ASTN2: variants seen among roughly 807,000 people sequenced by gnomAD.
The protein encoded by ASTN2 is astrotactin 2, also known as astrotactin-2.
ASTN2 carries 54 observed loss-of-function variants against 139.8 expected under a neutral mutation model. The observed-to-expected ratio is 0.39, with a 90% confidence interval of 0.31 to 0.48. The LOEUF (loss-of-function observed/expected upper bound fraction) is 0.48, where lower values mean the gene tolerates loss of function less well. ASTN2 is among the 20% of genes least tolerant of loss of function. The probability of loss-of-function intolerance (pLI) is 0.95; values close to 1 mark genes in which losing one functional copy is unlikely to be tolerated. For synonymous variants in ASTN2, 756 were observed against 719.5 expected (o/e 1.05, Z -0.81); for missense variants, 1,565 against 1,725.1 (o/e 0.91, Z 1.64).
intron 7 of ASTN2, among the ~76,000 whole-genome samples, chr9:116,998,676 C>T (rs1837093696): frequency 6.6e-6 from 1 of 152,044 alleles, no homozygotes; most frequent in African/African-American, 2.4e-5. Flanking sequence ...GAGCAAAGAC[C>T]AAGACTTTTA....
At chr9:116,437,254 A>C (rs1847685823) in intron 22 of ASTN2, 1 of 469,218 alleles carries the variant, frequency 2.1e-6, no homozygotes, top group African/African-American at 2.0e-5. Context: ...ATAGGTGAGG[A>C]GACTGAGGGC....
At chr9:116,847,007 CAAA>C (rs11302692) in intron 11 of ASTN2, among the ~76,000 whole-genome samples, 10 of 75,878 alleles carry the variant, frequency 1.3e-4, no homozygotes, top group African/African-American at 4.0e-4. Flanking sequence ...GCTTCATTCT[CAAA>C]AAAAAAAAAA....
chr9:116,692,104 A>G (rs1186043690), intron 16 of ASTN2, among the ~76,000 whole-genome samples: 1 of 152,210 alleles, frequency 6.6e-6, no homozygotes, highest in Non-Finnish European at 1.5e-5. Context: ...AATTGCTTAA[A>G]GTTCTCCAGT....
chr9:116,453,075 T>C (rs932118907), intron 20 of ASTN2, among the ~76,000 whole-genome samples: 3 of 152,142 alleles, frequency 2.0e-5, no homozygotes, highest in Admixed American at 6.5e-5. Context: ...ATGGTTCTTA[T>C]CTACTCAGTT....
intron 10 of ASTN2, among the ~76,000 whole-genome samples, chr9:116,963,648 T>C (rs1327372625): frequency 2.6e-5 from 4 of 152,080 alleles, no homozygotes; most frequent in African/African-American, 7.2e-5. Flanking sequence ...TTTGAGGATA[T>C]TTTGAAGGTA....
At chr9:117,031,188 G>A (rs1395693814) in intron 6 of ASTN2, among the ~76,000 whole-genome samples, 1 of 152,064 alleles carries the variant, frequency 6.6e-6, no homozygotes, top group Non-Finnish European at 1.5e-5. Context: ...AACATCCTTG[G>A]GGAGTGAAGT....
At chr9:117,316,439 T>C (rs966967973) in intron 1 of ASTN2, among the ~76,000 whole-genome samples, 2 of 152,106 alleles carry the variant, frequency 1.3e-5, no homozygotes, top group African/African-American at 4.8e-5. Context: ...TCTCACTAAA[T>C]GGTAGTTTCT....
intron 22 of ASTN2, 94 bp downstream of exon 22, chr9:116,440,515 T>C: frequency 8.3e-7 from 1 of 1,199,294 alleles, no homozygotes; most frequent in Non-Finnish European, 1.2e-6. Flanking sequence ...ATTTACTTGA[T>C]AAAGCCTAGT....
chr9:117,333,672 A>G (rs1828787275), intron 1 of ASTN2, among the ~76,000 whole-genome samples: 2 of 152,016 alleles, frequency 1.3e-5, no homozygotes, highest in Non-Finnish European at 2.9e-5. Flanking sequence ...ATTTTACTTT[A>G]TTATGCTTTT....
chr9:116,738,199 A>T (rs1484127123), intron 13 of ASTN2, among the ~76,000 whole-genome samples: 1 of 148,638 alleles, frequency 6.7e-6, no homozygotes, highest in Non-Finnish European at 1.5e-5. Flanking sequence ...CTCAAAAAAA[A>T]AAAAAAGACT....
intron 15 of ASTN2, among the ~76,000 whole-genome samples, chr9:116,728,229 G>A (rs367780668): frequency 2.7e-4 from 41 of 152,120 alleles, no homozygotes; most frequent in African/African-American, 8.9e-4. Flanking sequence ...CCCAAGCCCC[G>A]CCCACAGTTC....
intron 10 of ASTN2, among the ~76,000 whole-genome samples, chr9:116,870,126 T>G (rs1489942444): frequency 6.6e-6 from 1 of 151,146 alleles, no homozygotes; most frequent in Non-Finnish European, 1.5e-5. Flanking sequence ...AGACCCTGTC[T>G]CAAAAAAAAT....
intron 4 of ASTN2, among the ~76,000 whole-genome samples, chr9:117,109,817 T>C (rs192065654): frequency 6.6e-6 from 1 of 152,348 alleles, no homozygotes; most frequent in African/African-American, 2.4e-5. Context: ...TTTTGAAGCC[T>C]CAGCCTTTCC....
Position 116,620,459 on chromosome 9 carries a change from G to A in ASTN2, c.3073-16C>T. 6.2e-7 allele frequency: 1 copy of A among 1,613,890 alleles called. No homozygotes were observed. Among genetic ancestry groups the A allele is most frequent in the Non-Finnish European group, 8.5e-7 (1 of 1,179,988 alleles). ...TCTTGAAGGCCTGGACAAAAAAAGA[G>A]GACAGAATAGACAATGATGACAACA... On this transcript the variant is annotated splice_polypyrimidine_tract_variant and intron_variant, in intron 17 of 22. Transcript: ENST00000313400.
At chr9:117,275,070 C>A (rs1834153783) in intron 2 of ASTN2, among the ~76,000 whole-genome samples, 1 of 152,176 alleles carries the variant, frequency 6.6e-6, no homozygotes, top group Non-Finnish European at 1.5e-5. Context: ...TCATTAACCA[C>A]CAAAGTTCTT....
Position 116,545,180 on chromosome 9 carries a change from G to A in ASTN2, c.3356-57680C>T, listed in dbSNP as rs117870793. Among the ~76,000 whole-genome samples, 3,211 of 152,286 alleles carry A rather than the reference G, an allele frequency of 0.021. 391 individuals carry two copies. The South Asian group carries it at 0.28, about 13-fold the overall frequency. On this transcript the variant is annotated intron_variant, in intron 19 of 22. Coordinates refer to ENST00000313400, the MANE Select transcript of ASTN2 (RefSeq NM_001365068.1). ...GATGCCAGACTTGGCATGGGGGTCCGCCTGCCTGGGGCCATTGGCTTGCCT... is the reference window on the plus strand; with the variant it reads ...GATGCCAGACTTGGCATGGGGGTCCACCTGCCTGGGGCCATTGGCTTGCCT...
chr9:117,320,925 G>T (rs1281203537), intron 1 of ASTN2, among the ~76,000 whole-genome samples: 1 of 152,200 alleles, frequency 6.6e-6, no homozygotes, highest in Admixed American at 6.5e-5. Flanking sequence ...TGTGAAACCT[G>T]CAGAGGCATC....
At chr9:117,207,831 G>T (rs562127894) in intron 3 of ASTN2, among the ~76,000 whole-genome samples, 1 of 152,188 alleles carries the variant, frequency 6.6e-6, no homozygotes, top group African/African-American at 2.4e-5. Flanking sequence ...TCCTGGCAAA[G>T]CTGCACCACC....
chr9:117,107,278 A>G (rs1829131163), intron 4 of ASTN2, among the ~76,000 whole-genome samples: 1 of 152,116 alleles, frequency 6.6e-6, no homozygotes, highest in Non-Finnish European at 1.5e-5. Flanking sequence ...TTACAGGTAA[A>G]TATTTCTACA....
Sources: allele counts gnomAD v4.1 joint callset (sites outside exome capture counted in the v4.1 genomes callset), GRCh38; gene constraint gnomAD v4.1.1; transcripts MANE v1.5; gene names NCBI Gene and HGNC (gene_info 2026-07-23, HGNC 2026-07-21).